GALNTL6: variants seen among roughly 807,000 people sequenced by gnomAD.
The protein encoded by GALNTL6 is polypeptide N-acetylgalactosaminyltransferase-like 6.
A neutral mutation model predicts 73.7 loss-of-function variants in GALNTL6; 46 were observed. The observed-to-expected ratio is 0.62, with a 90% confidence interval of 0.49 to 0.80. GALNTL6 has a LOEUF of 0.80. GALNTL6 is among the 30% of genes least tolerant of loss of function. The pLI, the probability that GALNTL6 is intolerant of heterozygous loss-of-function variation, is 0.00. For synonymous variants in GALNTL6, 259 were observed against 263.7 expected, an observed-to-expected ratio of 0.98 and a Z score of 0.17; for missense variants, 604 against 755.0, an observed-to-expected ratio of 0.80 and a Z score of 2.34.
At chr4:172,372,291 G>T (rs1310005805) in intron 5 of GALNTL6, among the ~76,000 whole-genome samples, 1 of 152,120 alleles carries the variant, frequency 6.6e-6, no homozygotes, top group Non-Finnish European at 1.5e-5. Context: ...GGAGAAAAGT[G>T]GCAGGGTTGA....
intron 5 of GALNTL6, among the ~76,000 whole-genome samples, chr4:172,592,250 T>G (rs746199728): frequency 2.6e-5 from 4 of 152,140 alleles, no homozygotes; most frequent in Non-Finnish European, 5.9e-5. Context: ...AACCTGAGGC[T>G]TTATAACAAC....
At chr4:172,046,969 C>T (rs1380227176) in intron 2 of GALNTL6, among the ~76,000 whole-genome samples, 1 of 152,060 alleles carries the variant, frequency 6.6e-6, no homozygotes, top group Non-Finnish European at 1.5e-5. Context: ...CTAATCATGC[C>T]ATTTTTTCAG....
intron 5 of GALNTL6, among the ~76,000 whole-genome samples, chr4:172,525,022 A>T (rs1231599657): frequency 1.3e-5 from 2 of 152,202 alleles, no homozygotes; most frequent in Admixed American, 1.3e-4. Flanking sequence ...ATTTTTTGGA[A>T]CCATTGCTTA....
chr4:172,118,560 C>T (rs189385412), intron 2 of GALNTL6, among the ~76,000 whole-genome samples: 58 of 151,944 alleles, frequency 3.8e-4, no homozygotes, highest in Admixed American at 3.5e-3. Flanking sequence ...ATTAGTTGGG[C>T]ATGGTGGCAT....
intron 2 of GALNTL6, among the ~76,000 whole-genome samples, chr4:171,941,760 T>G (rs1434790341): frequency 1.3e-5 from 2 of 152,196 alleles, no homozygotes; most frequent in Non-Finnish European, 2.9e-5. Flanking sequence ...TGCTTCGAAC[T>G]GGCAGAATTT....
At chr4:172,405,435 ATATATATATTTTTTTTTTTTTTT>A (rs1200839349) in intron 5 of GALNTL6, among the ~76,000 whole-genome samples, 1 of 5,102 alleles carries the variant, frequency 2.0e-4, no homozygotes, top group Admixed American at 3.4e-3. Context: ...ATATATATAT[ATATATATATTTTTTTTTTTTTTT>A]TTTTTTTTCT....
At chr4:172,773,961 T>C (rs1738921969) in intron 5 of GALNTL6, among the ~76,000 whole-genome samples, 1 of 133,796 alleles carries the variant, frequency 7.5e-6, no homozygotes, top group Non-Finnish European at 1.6e-5. Flanking sequence ...TTGTGATAGT[T>C]TAAAAGAGAC....
intron 5 of GALNTL6, among the ~76,000 whole-genome samples, chr4:172,727,591 G>A (rs1735894901): frequency 1.3e-5 from 2 of 152,082 alleles, no homozygotes; most frequent in East Asian, 1.9e-4. Flanking sequence ...TGGCCTTTAA[G>A]GAATAAATCT....
chr4:172,697,061 T>C (rs987038509), intron 5 of GALNTL6, among the ~76,000 whole-genome samples: 1 of 152,256 alleles, frequency 6.6e-6, no homozygotes, highest in African/African-American at 2.4e-5. Context: ...AAGATATTTA[T>C]GTCATGATAC....
chr4:171,908,758 C>T (rs1235863152), intron 2 of GALNTL6, among the ~76,000 whole-genome samples: 8 of 150,782 alleles, frequency 5.3e-5, no homozygotes, highest in East Asian at 1.9e-4. Flanking sequence ...TGTCCAACAA[C>T]GATAGACTGG....
intron 5 of GALNTL6, among the ~76,000 whole-genome samples, chr4:172,759,981 C>T (rs35840216): frequency 0.31 from 47,200 of 150,000 alleles, 8,047 homozygotes; most frequent in Middle Eastern, 0.47. Context: ...GGACTACAGG[C>T]GCCCGCCACC....
intron 3 of GALNTL6, among the ~76,000 whole-genome samples, chr4:172,310,169 A>C (rs1740300858): frequency 6.6e-6 from 1 of 152,220 alleles, no homozygotes; most frequent in Admixed American, 6.5e-5. Flanking sequence ...GCATTGGCAT[A>C]GCAGTGAATG....
intron 2 of GALNTL6, among the ~76,000 whole-genome samples, chr4:171,996,164 G>C (rs1740478343): frequency 1.3e-5 from 2 of 152,162 alleles, no homozygotes; most frequent in South Asian, 4.1e-4. Flanking sequence ...TGATACACAT[G>C]TTTATTAGGA....
At chr4:171,923,307 GTGCCTGTT>G (rs1375009328) in intron 2 of GALNTL6, among the ~76,000 whole-genome samples, 6 of 151,934 alleles carry the variant, frequency 3.9e-5, no homozygotes, top group Non-Finnish European at 8.8e-5. Flanking sequence ...TCAGTGAAAT[GTGCCTGTT>G]ATGGTGTTGC....
intron 5 of GALNTL6, among the ~76,000 whole-genome samples, chr4:172,710,829 G>GA (rs2111324204): frequency 6.6e-6 from 1 of 152,108 alleles, no homozygotes; most frequent in African/African-American, 2.4e-5. Context: ...AGTGCTAGAA[G>GA]AAAAAACAAG....
chr4:172,568,466 A>G (rs551988018), intron 5 of GALNTL6, among the ~76,000 whole-genome samples: 1 of 152,248 alleles, frequency 6.6e-6, no homozygotes, highest in East Asian at 1.9e-4. Context: ...TTTAAAAGTA[A>G]CAAAGATGGG....
chr4:172,087,193 C>T (rs113888855), intron 2 of GALNTL6, among the ~76,000 whole-genome samples: 5,051 of 152,156 alleles, frequency 0.033, 271 homozygotes, highest in African/African-American at 0.11. Context: ...CCTGTAATCC[C>T]GGCACTTTGG....
Position 173,014,671 on chromosome 4 carries a change from G to A in GALNTL6, c.1488+5377G>A, listed in dbSNP as rs142245304. 3.3e-3 allele frequency among the ~76,000 whole-genome samples: 503 copies of A among 152,280 alleles called. 3 individuals carry two copies. The highest frequency in any genetic ancestry group is 0.011 in the African/African-American group (453 of 41,554). ...GAAACATGCTGTATCTCAGGTTTCT[G>A]CAAACCTCATAACAATGAAATAAAA... is the stretch of plus-strand genomic sequence containing the variant. On this transcript the variant is annotated intron_variant, in intron 11 of 12. Transcript: ENST00000506823.
At chr4:172,059,792 T>C (rs910486090) in intron 2 of GALNTL6, among the ~76,000 whole-genome samples, 1 of 152,224 alleles carries the variant, frequency 6.6e-6, no homozygotes, top group East Asian at 1.9e-4. Context: ...CACTAGTAAG[T>C]GGTAGAAGTG....
Sources: gnomAD v4.1 joint callset for allele counts (sites outside exome capture counted in the v4.1 genomes callset) on GRCh38, gnomAD v4.1.1 for gene constraint, MANE v1.5 for transcripts, NCBI Gene and HGNC (gene_info 2026-07-23, HGNC 2026-07-21) for gene names.